Variants in NALF1 observed in about 807,000 individuals in gnomAD.
The protein encoded by NALF1 is NALCN channel auxiliary factor 1, also known as family with sequence similarity 155 member A.
In NALF1, 3 loss-of-function variants were observed where a neutral mutation model predicts 48.4. The observed-to-expected ratio is 0.06, with a 90% CI of 0.03 to 0.16. The LOEUF (loss-of-function observed/expected upper bound fraction) is 0.16, where lower values mean the gene tolerates loss of function less well. Among genes scored for constraint, NALF1 ranks in the 10% least tolerant of loss-of-function variants. The pLI, the probability that NALF1 is intolerant of heterozygous loss-of-function variation, is 1.00. For synonymous variants in NALF1, 262 were observed against 245.7 expected, an observed-to-expected ratio of 1.07 and a Z score of -0.62; for missense variants, 526 against 571.5, an observed-to-expected ratio of 0.92 and a Z score of 0.81.
At chr13:107,612,366 T>A (rs1943370516) in intron 1 of NALF1, among the ~76,000 whole-genome samples, 1 of 152,056 alleles carries the variant, frequency 6.6e-6, no homozygotes, top group African/African-American at 2.4e-5. Flanking sequence ...TGCATATAGT[T>A]ACCAATACTG....
chr13:107,313,694 CCTGA>C (rs1160638035), intron 1 of NALF1, among the ~76,000 whole-genome samples: 5 of 152,150 alleles, frequency 3.3e-5, no homozygotes, highest in African/African-American at 4.8e-5. Flanking sequence ...ATTCACTGAG[CCTGA>C]CTAAGGCATA....
chr13:107,489,933 G>C lies in NALF1; in HGVS notation c.916-279178C>G, dbSNP rs574852884. The stretch of plus-strand genomic sequence containing the variant: ...CATAAAAGAAGCTGGCAAAGAACGT[G>C]AACATTTCTAAAAAGAAGACATGCA... On this transcript the variant is annotated intron_variant, in intron 1 of 2. Coordinates refer to ENST00000375915, the MANE Select transcript of NALF1 (RefSeq NM_001080396.3). Among the ~76,000 whole-genome samples, 17 of 152,154 alleles carry C rather than the reference G, an allele frequency of 1.1e-4. No homozygotes were observed. The East Asian group carries it at 3.1e-3, about 28-fold the overall frequency.
chr13:107,681,923 C>T (rs564729896), intron 1 of NALF1, among the ~76,000 whole-genome samples: 2 of 152,282 alleles, frequency 1.3e-5, no homozygotes, highest in East Asian at 3.9e-4. Context: ...AACAAGCTTC[C>T]CAGTCGGCTC....
At chr13:107,405,278 C>T (rs887134581) in intron 1 of NALF1, among the ~76,000 whole-genome samples, 3 of 151,930 alleles carry the variant, frequency 2.0e-5, no homozygotes, top group Non-Finnish European at 4.4e-5. Flanking sequence ...GTCCTCTTAG[C>T]TTTGTTAAAT....
chr13:107,412,783 G>A (rs1884014630), intron 1 of NALF1, among the ~76,000 whole-genome samples: 1 of 152,122 alleles, frequency 6.6e-6, no homozygotes, highest in East Asian at 1.9e-4. Flanking sequence ...ATGTTGTGAG[G>A]GCACCGGTTT....
intron 1 of NALF1, among the ~76,000 whole-genome samples, chr13:107,608,226 T>C (rs779511250): frequency 1.3e-5 from 2 of 152,162 alleles, no homozygotes; most frequent in African/African-American, 2.4e-5. Context: ...AATCATGCCG[T>C]TGGGATCCAG....
At chr13:107,719,602 A>G (rs574527961) in intron 1 of NALF1, among the ~76,000 whole-genome samples, 2 of 152,256 alleles carry the variant, frequency 1.3e-5, no homozygotes, top group African/African-American at 4.8e-5. Flanking sequence ...CAAAGCAAAC[A>G]ACTACAATGA....
At chr13:107,542,538 C>A (rs1165261033) in intron 1 of NALF1, among the ~76,000 whole-genome samples, 1 of 152,078 alleles carries the variant, frequency 6.6e-6, no homozygotes, top group Admixed American at 6.6e-5. Context: ...TTAGTTGAAT[C>A]AGATATGATC....
intron 1 of NALF1, among the ~76,000 whole-genome samples, chr13:107,337,453 G>A (rs1423670724): frequency 1.3e-5 from 2 of 152,060 alleles, no homozygotes. Context: ...GAGTTGAGGT[G>A]TATTTTGGGG....
intron 1 of NALF1, among the ~76,000 whole-genome samples, chr13:107,642,433 TA>T (rs1268282596): frequency 1.3e-5 from 2 of 152,134 alleles, no homozygotes; most frequent in Non-Finnish European, 2.9e-5. Flanking sequence ...TTCCAATGAA[TA>T]AAAAAATAGA....
chr13:107,368,879 A>G (rs192208918), intron 1 of NALF1, among the ~76,000 whole-genome samples: 3 of 152,128 alleles, frequency 2.0e-5, no homozygotes, highest in Admixed American at 2.0e-4. Flanking sequence ...CTCCGTGTAC[A>G]TTTTAACTTC....
intron 1 of NALF1, among the ~76,000 whole-genome samples, chr13:107,706,918 C>CTTTTTTTTTT (rs34091754): frequency 9.9e-5 from 10 of 101,300 alleles, no homozygotes; most frequent in African/African-American, 3.1e-4. Context: ...CAAGGGCATT[C>CTTTTTTTTTT]TTTTTTTTTT....
chr13:107,795,148 T>C (rs1878380945), intron 1 of NALF1, among the ~76,000 whole-genome samples: 1 of 152,204 alleles, frequency 6.6e-6, no homozygotes, highest in South Asian at 2.1e-4. Flanking sequence ...GCAGTTTCTA[T>C]TCAGAATGCA....
intron 1 of NALF1, among the ~76,000 whole-genome samples, chr13:107,398,488 A>G (rs934383781): frequency 6.6e-6 from 1 of 152,154 alleles, no homozygotes; most frequent in African/African-American, 2.4e-5. Flanking sequence ...AAACTGAATG[A>G]AAGCATGTTA....
rs539439114 is a variant in NALF1, at chr13:107,589,130, A to G, written c.915+276552T>C. On this transcript the variant is annotated intron_variant, in intron 1 of 2. Transcript: ENST00000375915. ...TATACAATGAATTCTCAAGAAGTCA[A>G]GAATGAAATACCAATTTACGAATTA... Among the ~76,000 whole-genome samples the G allele has an allele frequency of 5.9e-5, 9 of 152,200 alleles. No homozygotes were observed. The East Asian group carries it at 1.7e-3, about 29-fold the overall frequency.
intron 1 of NALF1, among the ~76,000 whole-genome samples, chr13:107,673,014 A>G (rs7335820): frequency 0.2 from 31,034 of 152,076 alleles, 3,627 homozygotes; most frequent in East Asian, 0.42. Context: ...CTTCTAACTC[A>G]AGAGTGTCAA....
At chr13:107,793,206 T>A (rs899686288) in intron 1 of NALF1, among the ~76,000 whole-genome samples, 2 of 152,200 alleles carry the variant, frequency 1.3e-5, no homozygotes, top group Non-Finnish European at 2.9e-5. Flanking sequence ...TGATCCAGTT[T>A]ATTTCAACAG....
chr13:107,702,800 G>C (rs902803948), intron 1 of NALF1, among the ~76,000 whole-genome samples: 1 of 152,062 alleles, frequency 6.6e-6, no homozygotes, highest in Admixed American at 6.6e-5. Context: ...TGCAGTTTTT[G>C]ATTTTCTGTG....
At chr13:107,377,925 G>A (rs1883365996) in intron 1 of NALF1, among the ~76,000 whole-genome samples, 1 of 152,182 alleles carries the variant, frequency 6.6e-6, no homozygotes, top group South Asian at 2.1e-4. Flanking sequence ...TGTTCACAAA[G>A]TATGCATGTT....
Sources: allele counts gnomAD v4.1 joint callset (sites outside exome capture counted in the v4.1 genomes callset), GRCh38; gene constraint gnomAD v4.1.1; transcripts MANE v1.5; gene names NCBI Gene and HGNC (gene_info 2026-07-23, HGNC 2026-07-21).